Variants in NPAS3 observed in about 807,000 individuals in gnomAD.
The protein encoded by NPAS3 is neuronal PAS domain-containing protein 3.
A neutral mutation model predicts 73.1 loss-of-function variants in NPAS3; 14 were observed. The observed-to-expected ratio is 0.19, with a 90% CI of 0.13 to 0.30. NPAS3 has a LOEUF of 0.30. Ranked by LOEUF, NPAS3 falls within the 10% of genes least tolerant of loss-of-function variation. The probability of loss-of-function intolerance (pLI) is 1.00; values close to 1 mark genes in which losing one functional copy is unlikely to be tolerated. For missense variants in NPAS3, 1,096 were observed against 1,250.0 expected (o/e 0.88, Z 1.86); for synonymous variants, 620 against 541.5 (o/e 1.14, Z -2.01).
chr14:33,746,939 C>T (rs1021639301), intron 7 of NPAS3, among the ~76,000 whole-genome samples: 11 of 149,798 alleles, frequency 7.3e-5, no homozygotes, highest in Non-Finnish European at 1.3e-4. Context: ...ATTCCCCTTC[C>T]TGTGTCCATG....
At chr14:33,160,349 G>T (rs1390975191) in intron 2 of NPAS3, among the ~76,000 whole-genome samples, 1 of 151,970 alleles carries the variant, frequency 6.6e-6, no homozygotes, top group Non-Finnish European at 1.5e-5. Context: ...ATATATCCAA[G>T]TGTATAGCAA....
chr14:33,079,987 T>G (rs1227478254), intron 2 of NPAS3, among the ~76,000 whole-genome samples: 1 of 152,152 alleles, frequency 6.6e-6, no homozygotes. Flanking sequence ...GCAATAAAGG[T>G]TTATAAAAAT....
rs148800897 is a variant in NPAS3, at chr14:33,223,919, C to G, written c.385+8493C>G. On this transcript the variant is annotated intron_variant, in intron 3 of 11. Coordinates refer to ENST00000356141, the Ensembl canonical transcript of NPAS3. ...TAAATAAGACAGGAGAGTAAGATAG[C>G]ACATAATGAAGTTTTAAAGAAATCA... Among the ~76,000 whole-genome samples, 409 of 151,924 alleles carry G rather than the reference C, an allele frequency of 2.7e-3. 1 individual carries two copies. The highest frequency in any genetic ancestry group is 9.4e-3 in the African/African-American group (391 of 41,440).
At chr14:33,000,380 T>C (rs1021373603) in intron 1 of NPAS3, among the ~76,000 whole-genome samples, 1 of 152,208 alleles carries the variant, frequency 6.6e-6, no homozygotes, top group East Asian at 1.9e-4. Context: ...TACTGCATTA[T>C]ATTTGATGGC....
At chr14:33,799,630 C>A in intron 11 of NPAS3, 104 bp from the exon 12 acceptor site, 1 of 1,204,556 alleles carries the variant, frequency 8.3e-7, no homozygotes, top group African/African-American at 1.5e-5. Context: ...CCCTGCTCCC[C>A]GCCCCAGCCC....
chr14:33,802,026 C>T (rs576564704), downstream of NPAS3: 92 of 152,252 alleles, frequency 6.0e-4, no homozygotes, highest in African/African-American at 2.1e-3. Context: ...AGTAAAGCCC[C>T]TTTTAAAGGG....
intron 1 of NPAS3, among the ~76,000 whole-genome samples, chr14:33,020,647 T>C (rs2039558822): frequency 6.6e-6 from 1 of 152,172 alleles, no homozygotes; most frequent in South Asian, 2.1e-4. Flanking sequence ...AGGATCTCAG[T>C]GGCTATTTTG....
chr14:33,800,449 G>T lies in NPAS3; in HGVS notation c.2142G>T (p.Ser714=). Reference sequence around the variant, plus strand: ...GGCTGCACGTGGCCATTCCCGACTCGGTCCTCACCCCGCCCGGCGCCGACG... The same window carrying T: ...GGCTGCACGTGGCCATTCCCGACTCTGTCCTCACCCCGCCCGGCGCCGACG... Residue 714 remains serine, a synonymous_variant, in exon 12 of 12, where the codon TCG becomes TCT. Transcript: ENST00000356141. The surrounding 1 kb of genome is among the most constrained non-coding windows in gnomAD (Gnocchi z 6.5). 15 of 1,551,224 alleles carry T rather than the reference G, an allele frequency of 9.7e-6. No individual in the cohort carries two copies. The highest frequency in any genetic ancestry group is 1.4e-5 in the African/African-American group (1 of 70,512).
At chr14:33,318,430 T>C (rs1305467411) in intron 3 of NPAS3, among the ~76,000 whole-genome samples, 2 of 152,102 alleles carry the variant, frequency 1.3e-5, no homozygotes, top group Non-Finnish European at 2.9e-5. Flanking sequence ...CACAATGATG[T>C]GAGTTTACTT....
chr14:33,062,029 C>T (rs1261906936), intron 2 of NPAS3, among the ~76,000 whole-genome samples: 2 of 151,850 alleles, frequency 1.3e-5, no homozygotes, highest in South Asian at 2.1e-4. Flanking sequence ...GGCTGGGGAA[C>T]GGTGACAGGA....
intron 4 of NPAS3, among the ~76,000 whole-genome samples, chr14:33,436,127 A>T (rs1188421141): frequency 6.6e-6 from 1 of 152,160 alleles, no homozygotes; most frequent in Non-Finnish European, 1.5e-5. Flanking sequence ...GAGTCATCTT[A>T]GTCATAGAAG....
intron 4 of NPAS3, among the ~76,000 whole-genome samples, chr14:33,378,425 C>G (rs2046396147): frequency 1.3e-5 from 2 of 152,134 alleles, no homozygotes; most frequent in South Asian, 4.1e-4. Context: ...TCCCTGAGGT[C>G]AGGAGTTCAA....
chr14:33,196,846 C>A (rs939938469), intron 2 of NPAS3, among the ~76,000 whole-genome samples: 1 of 152,160 alleles, frequency 6.6e-6, no homozygotes, highest in African/African-American at 2.4e-5. Context: ...TGCTTGTCAT[C>A]TCTCTCACAA....
intron 4 of NPAS3, among the ~76,000 whole-genome samples, chr14:33,463,203 CA>C (rs2050355036): frequency 6.6e-6 from 1 of 152,072 alleles, no homozygotes; most frequent in Non-Finnish European, 1.5e-5. Flanking sequence ...GGCCCATTTC[CA>C]AAAATAAGAG....
chr14:33,640,791 T>C (rs1342135679), intron 5 of NPAS3, among the ~76,000 whole-genome samples: 1 of 152,198 alleles, frequency 6.6e-6, no homozygotes, highest in African/African-American at 2.4e-5. Context: ...GTTGTACAAA[T>C]ACTCAAACAT....
chr14:33,544,128 T>G (rs568357411), intron 4 of NPAS3, among the ~76,000 whole-genome samples: 5 of 151,756 alleles, frequency 3.3e-5, no homozygotes, highest in Non-Finnish European at 5.9e-5. Flanking sequence ...ATTAAAATCT[T>G]TTTATGATTT....
intron 4 of NPAS3, among the ~76,000 whole-genome samples, chr14:33,463,171 G>A (rs1431115901): frequency 2.0e-5 from 3 of 152,178 alleles, no homozygotes; most frequent in African/African-American, 7.2e-5. Context: ...TTCTATTAGT[G>A]TATGAGCATT....
At chr14:33,342,221 A>G (rs1408450965) in intron 3 of NPAS3, among the ~76,000 whole-genome samples, 1 of 152,230 alleles carries the variant, frequency 6.6e-6, no homozygotes, top group East Asian at 1.9e-4. Flanking sequence ...CTGTGTGTTG[A>G]GGTGATCATA....
Position 33,618,728 on chromosome 14 carries a change from G to T in NPAS3, c.559-57483G>T, listed in dbSNP as rs2057996126. 2.0e-5 allele frequency among the ~76,000 whole-genome samples: 3 copies of T among 152,180 alleles called. No individual in the cohort carries two copies. In the South Asian group the frequency reaches 6.2e-4, roughly 32 times the overall value. On this transcript the variant is annotated intron_variant, in intron 5 of 11. Transcript: ENST00000356141. ...CCCTTCTCACATATTTGATAGCAAT[G>T]AAATGTTTTCCCACTATTTAAATGG...
Sources: allele counts gnomAD v4.1 joint callset (sites outside exome capture counted in the v4.1 genomes callset), GRCh38; gene constraint gnomAD v4.1.1; non-coding constraint Gnocchi (gnomAD v3.1); transcripts MANE v1.5; gene names NCBI Gene and HGNC (gene_info 2026-07-23, HGNC 2026-07-21).